The following USP9Y variants were observed in gnomAD, a reference collection of about 807,000 sequenced individuals.
USP9Y encodes ubiquitin specific peptidase 9 Y-linked.
A neutral mutation model predicts 53.1 loss-of-function variants in USP9Y; 41 were observed. That is an observed-to-expected ratio of 0.77 (90% CI 0.60 to 1.00). The LOEUF is 1.00. Ranked by LOEUF, USP9Y falls within the 50% of genes least tolerant of loss-of-function variation. USP9Y has a pLI of 0.00. For synonymous variants in USP9Y, 220 were observed against 173.7 expected (o/e 1.27, Z -2.09); for missense variants, 567 against 535.8 (o/e 1.06, Z -0.58).
intron 33 of USP9Y, among the ~76,000 whole-genome samples, chrY:12,833,044 C>A: frequency 9.0e-5 from 3 of 33,346 alleles, no homozygotes; most frequent in Non-Finnish European, 2.2e-4. Context: ...AAAATATTCC[C>A]ATACCTTTTG....
intron 27 of USP9Y, among the ~76,000 whole-genome samples, chrY:12,800,146 C>T: frequency 1.8e-4 from 6 of 33,658 alleles, no homozygotes; most frequent in African/African-American, 7.0e-4. Context: ...ACTGTTCCTG[C>T]GTGGCTAAGT....
chrY:12,806,012 G>A, intron 27 of USP9Y, among the ~76,000 whole-genome samples: 1 of 32,919 alleles, frequency 3.0e-5, no homozygotes, highest in Non-Finnish European at 7.5e-5. Context: ...GGTTTACTCC[G>A]ACATTTACCT....
intron 27 of USP9Y, among the ~76,000 whole-genome samples, chrY:12,807,148 G>A (rs769849685): frequency 3.5e-5 from 1 of 28,433 alleles, no homozygotes. Flanking sequence ...TCTCACACTG[G>A]GTTATTTCAA....
At position 12,810,784 on chromosome Y, in the gene USP9Y, T is replaced by C. The variant is rs775192921; in HGVS notation, c.4205T>C (p.Leu1402Pro). The C allele has an allele frequency of 5.0e-6, 2 of 398,290 alleles. No homozygotes were observed. The highest frequency in any genetic ancestry group is 1.5e-4 in the Admixed American group (2 of 13,498). ...AACATACCCAATGCTGAAGTTCTTCTTGTCAGTGAAATTGATTGGCTCAAA... is the reference window on the plus strand; with the variant it reads ...AACATACCCAATGCTGAAGTTCTTCCTGTCAGTGAAATTGATTGGCTCAAA... ...NINIPNAEVL[L>P]VSEIDWLKRI... The change falls in exon 29 of 46, where the codon CTT becomes CCT. Residue 1402 changes from leucine to proline, a missense_variant. Physicochemically the swap from Leu to Pro is moderately conservative, Grantham distance 98. Coordinates refer to ENST00000338981, the MANE Select transcript of USP9Y (RefSeq NM_004654.4).
At chrY:12,795,839 A>G (rs1603200678) in intron 27 of USP9Y, among the ~76,000 whole-genome samples, 1 of 32,573 alleles carries the variant, frequency 3.1e-5, no homozygotes, top group Non-Finnish European at 7.5e-5. Flanking sequence ...CGCTGGTGGG[A>G]GTGTCTTTTC....
chrY:12,836,990 G>T (rs1023130546), intron 34 of USP9Y, among the ~76,000 whole-genome samples: 1 of 33,006 alleles, frequency 3.0e-5, no homozygotes, highest in African/African-American at 1.2e-4. Flanking sequence ...ACAGGCATGA[G>T]CCACGGCACC....
intron 34 of USP9Y, among the ~76,000 whole-genome samples, chrY:12,836,326 ACT>A (rs2053555295): frequency 3.0e-5 from 1 of 33,639 alleles, no homozygotes; most frequent in African/African-American, 1.2e-4. Context: ...GTCATGAATT[ACT>A]GTTTAAACAG....
intron 7 of USP9Y, among the ~76,000 whole-genome samples, chrY:12,734,441 TC>T (rs2053449763): frequency 3.0e-5 from 1 of 33,785 alleles, no homozygotes; most frequent in Non-Finnish European, 7.3e-5. Flanking sequence ...CTGGGCATTT[TC>T]TTGATAGCTG....
rs2053416295 is a variant in USP9Y at position 12,701,955 on chromosome Y, A to AT, written c.-215dup. 3.0e-5 allele frequency: 1 copy of AT among 33,870 alleles called. No homozygotes were observed. Among genetic ancestry groups the AT allele is most frequent in the Admixed American group, 2.7e-4 (1 of 3,771 alleles). The allele number at this position is 33,870 out of a possible 400,897, so 8.4% of individuals were successfully genotyped here. Reference sequence around the variant, plus strand: ...TTTTATTTTTAAGCACTGAAGTCAGATTTTTTCCTTTTAAAAGAAAGGATT... The same window carrying AT: ...TTTTATTTTTAAGCACTGAAGTCAGATTTTTTTCCTTTTAAAAGAAAGGATT... On this transcript the variant is annotated 5_prime_UTR_variant, in exon 1 of 46. Coordinates refer to ENST00000338981, the MANE Select transcript of USP9Y (RefSeq NM_004654.4).
At chrY:12,798,125 C>G in intron 27 of USP9Y, among the ~76,000 whole-genome samples, 1 of 23,826 alleles carries the variant, frequency 4.2e-5, no homozygotes, top group Non-Finnish European at 9.2e-5. Context: ...GTCCTTCCTT[C>G]TTTCGAAAAA....
At chrY:12,825,641 G>A in intron 33 of USP9Y, among the ~76,000 whole-genome samples, 3 of 33,165 alleles carry the variant, frequency 9.0e-5, no homozygotes, top group Non-Finnish European at 2.2e-4. Flanking sequence ...TACCAAGTCA[G>A]CATAGGAGCC....
intron 12 of USP9Y, among the ~76,000 whole-genome samples, chrY:12,750,785 C>T (rs956077441): frequency 3.1e-5 from 1 of 32,403 alleles, no homozygotes; most frequent in Admixed American, 2.8e-4. Context: ...CTGCAATAAA[C>T]GATACTTGTT....
In USP9Y at chrY:12,846,490, G is replaced by A; in HGVS notation, c.6726G>A (p.Val2242=). The change falls in exon 40 of 46, where the codon GTG becomes GTA. Residue 2242 remains valine (V), a synonymous_variant. Transcript: ENST00000338981. The part of the protein sequence containing the change: ...VVSQLIRCCN[V]SSTMQSSING... ...CTCAGCTGATTCGTTGTTGCAATGT[G>A]TCATCAACAATGCAGTCTTCAATCA... The A allele has an allele frequency of 2.5e-6, 1 of 397,848 alleles. No homozygotes were observed. Among genetic ancestry groups the A allele is most frequent in the Non-Finnish European group, 3.5e-6 (1 of 282,945 alleles).
chrY:12,738,423 A>G, intron 11 of USP9Y, 114 bp downstream of exon 11: 2 of 180,051 alleles, frequency 1.1e-5, no homozygotes, highest in Non-Finnish European at 1.9e-5. Flanking sequence ...TTACTAATGC[A>G]TGTGCTGTTC....
Position 12,736,185 on chromosome Y carries a change from A to G in USP9Y, c.961A>G (p.Arg321Gly). Residue 321 changes from arginine (R) to glycine (G), a missense_variant, in exon 9 of 46, where the codon AGA becomes GGA. Coordinates refer to ENST00000338981, the MANE Select transcript of USP9Y (RefSeq NM_004654.4). ...TAAATCTTTGAAGAACTTAGCTTCA[A>G]GAATTTCAGGACAAGATGAGACTAT... ...IIKSLKNLASRISGQDETIKN... is the reference protein window; with the variant it reads ...IIKSLKNLASGISGQDETIKN... The G allele has an allele frequency of 2.5e-6, 1 of 393,666 alleles. No homozygotes were observed. Among genetic ancestry groups the G allele is most frequent in the Non-Finnish European group, 3.6e-6 (1 of 279,876 alleles).
At chrY:12,743,465 A>G (rs2053458183) in intron 12 of USP9Y, among the ~76,000 whole-genome samples, 1 of 32,600 alleles carries the variant, frequency 3.1e-5, no homozygotes, top group Admixed American at 2.9e-4. Context: ...TCACTGTGTT[A>G]GCCAGGATGG....
Position 12,841,600 on chromosome Y carries a change from CCA to C in USP9Y, c.6212+470_6212+471del, listed in dbSNP as rs779634868. Among the ~76,000 whole-genome samples the C allele has an allele frequency of 0.013, 429 of 32,031 alleles. No individual in the cohort carries two copies. The Middle Eastern group carries it at 0.22, about 16-fold the overall frequency. 85.9% of individuals were successfully genotyped at this position (32,031 alleles called of 37,273 possible). ...AGCACTTTAGGATCCACCTAATCCACCACAGGCTGGGATGGGTAGATCACTTT... is the reference window on the plus strand; with the variant it reads ...AGCACTTTAGGATCCACCTAATCCACCAGGCTGGGATGGGTAGATCACTTT... On this transcript the variant is annotated intron_variant, in intron 37 of 45. Coordinates refer to ENST00000338981, the MANE Select transcript of USP9Y (RefSeq NM_004654.4).
chrY:12,720,968 A>C lies in USP9Y; in HGVS notation c.245+231A>C. 2.5e-5 allele frequency: 3 copies of C among 118,749 alleles called. No homozygotes were observed. In the East Asian group the frequency reaches 5.0e-4, roughly 20 times the overall value. The allele number at this position is 118,749 out of a possible 400,897, so 29.6% of individuals were successfully genotyped here. The stretch of plus-strand genomic sequence containing the variant: ...TTTTAAATATTGGAAGGTAATGACA[A>C]TATGAATACAGTTTCAGATTAATGA... On this transcript the variant is annotated intron_variant, in intron 4 of 45. Transcript: ENST00000338981.
chrY:12,722,326 A>T, intron 5 of USP9Y, 139 bp downstream of exon 5: 3 of 146,030 alleles, frequency 2.1e-5, no homozygotes, highest in Non-Finnish European at 3.9e-5. Flanking sequence ...CCTGGTAAGG[A>T]TTATTTTACA....
Sources: allele counts gnomAD v4.1 joint callset (sites outside exome capture counted in the v4.1 genomes callset), GRCh38; gene constraint gnomAD v4.1.1; transcripts MANE v1.5; gene names NCBI Gene and HGNC (gene_info 2026-07-23, HGNC 2026-07-21).